Variants in ACSL4 observed in about 807,000 individuals in gnomAD.
ACSL4 encodes the protein long-chain-fatty-acid--CoA ligase 4.
Under a neutral mutation model 49.1 loss-of-function variants are expected in ACSL4, and 9 were observed. The observed-to-expected ratio is 0.18, with a 90% CI of 0.11 to 0.32. The LOEUF is 0.32. Ranked by LOEUF, ACSL4 falls within the 10% of genes least tolerant of loss-of-function variation. ACSL4 has a pLI of 1.00. For missense variants in ACSL4, 333 were observed against 493.7 expected (o/e 0.67, Z 3.08); for synonymous variants, 191 against 170.3 (o/e 1.12, Z -0.95).
intron 8 of ACSL4, among the ~76,000 whole-genome samples, chrX:109,675,590 C>T (rs775580742): frequency 8.9e-6 from 1 of 111,946 alleles, no homozygotes; most frequent in South Asian, 3.7e-4. Flanking sequence ...CAGCAACAGA[C>T]TCCAACTGTC....
chrX:109,673,732 C>G (rs756910753), intron 9 of ACSL4, among the ~76,000 whole-genome samples: 13 of 111,902 alleles, frequency 1.2e-4, no homozygotes, highest in Admixed American at 3.8e-4. Context: ...GATTTCAAGT[C>G]TGATCATAAT....
At chrX:109,716,035 C>T (rs1299327081) in intron 1 of ACSL4, among the ~76,000 whole-genome samples, 1 of 112,266 alleles carries the variant, frequency 8.9e-6, no homozygotes, top group Non-Finnish European at 1.9e-5. Context: ...AGTAACAACC[C>T]TTTCCCTTCA....
intron 2 of ACSL4, among the ~76,000 whole-genome samples, chrX:109,691,273 C>T (rs1925021001): frequency 8.9e-6 from 1 of 112,014 alleles, no homozygotes. Flanking sequence ...TTTCAAGTTA[C>T]ACATTATTTA....
chrX:109,713,061 AG>A (rs200158641), intron 1 of ACSL4, among the ~76,000 whole-genome samples: 2,166 of 105,872 alleles, frequency 0.02, 52 homozygotes, highest in African/African-American at 0.072. Context: ...GGAGGGAAGG[AG>A]GGATGAAGGG....
At chrX:109,653,985 A>AAT (rs1232093437) in intron 15 of ACSL4, among the ~76,000 whole-genome samples, 56 of 107,698 alleles carry the variant, frequency 5.2e-4, no homozygotes, top group Non-Finnish European at 6.2e-4. Context: ...TATTTGAAAA[A>AAT]ATATATATAT....
At position 109,705,234 on chromosome X, in the gene ACSL4, T is replaced by G. The variant is rs900744820; in HGVS notation, c.-65-9038A>C. On this transcript the variant is annotated intron_variant, in intron 1 of 15. Transcript: ENST00000672401. ...TCTCTAGGGAAAAATGAATACAAAT[T>G]AGAGTGTGCACACAGATGTTTCCAA... Among the ~76,000 whole-genome samples the G allele has an allele frequency of 6.2e-5, 7 of 112,243 alleles. No homozygotes were observed. The East Asian group carries it at 1.7e-3, about 27-fold the overall frequency.
At position 109,643,414 on chromosome X, in the gene ACSL4, T is replaced by G. The variant is rs1211186251; in HGVS notation, c.*615A>C. ...TGGTGTTGTATATGTTGTTCTATTC[T>G]TATTTTAGGCACTGTAATTATTCAC... On this transcript the variant is annotated 3_prime_UTR_variant, in exon 16 of 16. Coordinates refer to ENST00000672401, the MANE Select transcript of ACSL4 (RefSeq NM_001318510.2). The G allele has an allele frequency of 8.9e-6, 1 of 112,409 alleles. No homozygotes were observed. The highest frequency in any genetic ancestry group is 1.9e-5 in the Non-Finnish European group (1 of 53,263). The allele number at this position is 112,409 out of a possible 1,213,427, so 9.3% of individuals were successfully genotyped here.
Position 109,665,489 on chromosome X carries a change from C to G in ACSL4, c.1321G>C (p.Asp441His). 1 of 1,204,739 alleles carries G rather than the reference C, an allele frequency of 8.3e-7. No individual in the cohort carries two copies. The highest frequency in any genetic ancestry group is 1.1e-6 in the Non-Finnish European group (1 of 889,340). Residue 441 changes from aspartate (D) to histidine (H), a missense_variant, in exon 12 of 16, where the codon GAC (aspartate) becomes CAC (histidine). By Grantham distance (81) the Asp-to-His change is moderately conservative (BLOSUM62 -1). Around this residue, in one of 3 missense-constraint regions of ACSL4, gnomAD observed 175 missense variants for 275.8 expected, o/e 0.63. Coordinates refer to ENST00000672401, the MANE Select transcript of ACSL4 (RefSeq NM_001318510.2). ...CGAGTVTEVTDYTTGRVGAPL... is the reference protein window; with the variant it reads ...CGAGTVTEVTHYTTGRVGAPL... ...GCTCCAACTCTGCCAGTAGTATAGT[C>G]AGTTACTGTGAGGGAAAAAGTAACA...
intron 2 of ACSL4, among the ~76,000 whole-genome samples, chrX:109,695,380 C>T (rs1020556971): frequency 1.8e-5 from 2 of 108,188 alleles, no homozygotes; most frequent in Non-Finnish European, 3.8e-5. Context: ...TTCAACGTAT[C>T]GGGGCAAGCA....
At position 109,733,128 on chromosome X, in the gene ACSL4, G is replaced by A. The variant is rs1399780522; in HGVS notation, c.-66+11C>T. On this transcript the variant is annotated intron_variant, in intron 1 of 15. Transcript: ENST00000672401. ...GCCGGGGCCGCAACCTCCCCATCCAGGGATACTCACCGGAGGGGCGGCCCA... is the reference window on the plus strand; with the variant it reads ...GCCGGGGCCGCAACCTCCCCATCCAAGGATACTCACCGGAGGGGCGGCCCA... 5 of 328,102 alleles carry A rather than the reference G, an allele frequency of 1.5e-5. No individual in the cohort carries two copies. The highest frequency in any genetic ancestry group is 3.0e-5 in the Non-Finnish European group (5 of 168,588). The allele number at this position is 328,102 out of a possible 1,213,427, so 27.0% of individuals were successfully genotyped here. A position where few individuals can be genotyped will look rare whatever the true frequency, so the allele number is the denominator to read the frequency against.
At chrX:109,724,275 GTT>G (rs756112621) in intron 1 of ACSL4, among the ~76,000 whole-genome samples, 1 of 110,301 alleles carries the variant, frequency 9.1e-6, no homozygotes, top group African/African-American at 3.3e-5. Context: ...GGGCTTTTTT[GTT>G]TTTTTGTTTG....
At chrX:109,654,068 T>C (rs1017460491) in intron 15 of ACSL4, among the ~76,000 whole-genome samples, 1 of 109,859 alleles carries the variant, frequency 9.1e-6, no homozygotes, top group Admixed American at 9.8e-5. Context: ...AAGAAAATAA[T>C]GGAGTATACA....
chrX:109,693,144 G>A (rs1925171457), intron 2 of ACSL4, among the ~76,000 whole-genome samples: 1 of 111,320 alleles, frequency 9.0e-6, no homozygotes, highest in South Asian at 3.7e-4. Context: ...TTTTCAATAT[G>A]TCAGACTGTT....
intron 2 of ACSL4, among the ~76,000 whole-genome samples, chrX:109,687,928 C>T (rs1216781854): frequency 9.0e-6 from 1 of 111,548 alleles, no homozygotes; most frequent in Non-Finnish European, 1.9e-5. Context: ...CTATCCAATT[C>T]TCCACCTAAT....
intron 1 of ACSL4, among the ~76,000 whole-genome samples, chrX:109,699,981 G>C (rs1925751417): frequency 9.1e-6 from 1 of 109,734 alleles, no homozygotes; most frequent in African/African-American, 3.3e-5. Flanking sequence ...ACTATCGGAG[G>C]CTGAGGGGGG....
At chrX:109,645,071 G>A (rs1934601890) in intron 15 of ACSL4, among the ~76,000 whole-genome samples, 1 of 112,965 alleles carries the variant, frequency 8.9e-6, no homozygotes, top group Admixed American at 9.3e-5. Flanking sequence ...AGATCAAACT[G>A]CAAGGTGGCA....
rs778873371 is a variant in ACSL4, at chrX:109,726,850, G to T, written c.-66+6289C>A. Among the ~76,000 whole-genome samples the T allele has an allele frequency of 1.3e-4, 14 of 106,702 alleles. 3 individuals carry two copies. The highest frequency in any genetic ancestry group is 1.2e-3 in the South Asian group (3 of 2,439). 92.7% of individuals were successfully genotyped at this position (106,702 alleles called of 115,157 possible). On this transcript the variant is annotated intron_variant, in intron 1 of 15. Transcript: ENST00000672401. ...CATGCCACCATGCCTGGCTTTTTTT[G>T]TTGTTTTTTGTTGTTGTTGTTGTTG... is the stretch of plus-strand genomic sequence containing the variant.
intron 10 of ACSL4, 133 bp downstream of exon 10, chrX:109,668,901 G>A (rs748238742): frequency 1.9e-4 from 97 of 510,269 alleles, no homozygotes; most frequent in Non-Finnish European, 1.5e-4. Flanking sequence ...TAGAATAAAA[G>A]AGAATTTCAA....
chrX:109,727,900 G>A (rs911860720), intron 1 of ACSL4, among the ~76,000 whole-genome samples: 5 of 111,792 alleles, frequency 4.5e-5, no homozygotes, highest in African/African-American at 1.3e-4. Context: ...TACAAAAACC[G>A]GTGGTGGGCA....
Sources: allele counts gnomAD v4.1 joint callset (sites outside exome capture counted in the v4.1 genomes callset), GRCh38; gene constraint gnomAD v4.1.1; regional missense constraint gnomAD v4.1.1; transcripts MANE v1.5; gene names NCBI Gene and HGNC (gene_info 2026-07-23, HGNC 2026-07-21).